SPTA1: variants seen among roughly 807,000 people sequenced by gnomAD.
The protein encoded by SPTA1 is spectrin alpha chain, erythrocytic 1.
Under a neutral mutation model 324.7 loss-of-function variants are expected in SPTA1, and 177 were observed. The observed-to-expected ratio is 0.55, with a 90% CI of 0.48 to 0.62. SPTA1 has a LOEUF of 0.62. SPTA1 is among the 20% of genes least tolerant of loss of function. The probability of loss-of-function intolerance (pLI) is 0.00; values close to 1 mark genes in which losing one functional copy is unlikely to be tolerated. For missense variants in SPTA1, 3,162 were observed against 2,883.6 expected (o/e 1.10, Z -2.21); for synonymous variants, 1,195 against 1,041.3 (o/e 1.15, Z -2.84).
intron 12 of SPTA1, among the ~76,000 whole-genome samples, chr1:158,670,248 G>T (rs1177923683): frequency 6.6e-6 from 1 of 152,136 alleles, no homozygotes; most frequent in Non-Finnish European, 1.5e-5. Flanking sequence ...AGTTACATAG[G>T]AGAAGAGTCA....
At chr1:158,683,616 G>T in intron 2 of SPTA1, 120 bp from the exon 3 acceptor site, 1 of 1,344,768 alleles carries the variant, frequency 7.4e-7, no homozygotes, top group Non-Finnish European at 1.0e-6. Flanking sequence ...AGGCCATAAA[G>T]AGTATTTTCC....
rs373294289 is a variant in SPTA1, at chr1:158,640,153, T to A, written c.4738-146A>T. On this transcript the variant is annotated intron_variant, in intron 33 of 51. Transcript: ENST00000643759. ...AATATCATACATTTCAAACCAGTTATACTTAATCTGGGAAAACAATAGGAG... is the reference window on the plus strand; with the variant it reads ...AATATCATACATTTCAAACCAGTTAAACTTAATCTGGGAAAACAATAGGAG... 2.1e-4 allele frequency: 214 copies of A among 996,308 alleles called. No individual in the cohort carries two copies. In the African/African-American group the frequency reaches 3.0e-3, roughly 14 times the overall value. The allele number at this position is 996,308 out of a possible 1,614,324, so 61.7% of individuals were successfully genotyped here. A position where few individuals can be genotyped will look rare whatever the true frequency, so the allele number is the denominator to read the frequency against.
intron 38 of SPTA1, among the ~76,000 whole-genome samples, chr1:158,635,076 G>GC (rs5778086): frequency 5.7e-4 from 86 of 151,608 alleles, no homozygotes; most frequent in African/African-American, 1.6e-3. Flanking sequence ...CTTCCTTTTA[G>GC]CCCCCCCCAG....
At chr1:158,663,442 A>T (rs191655461) in intron 16 of SPTA1, among the ~76,000 whole-genome samples, 206 of 152,342 alleles carry the variant, frequency 1.4e-3, no homozygotes, top group Non-Finnish European at 2.5e-3. Context: ...GAAGCTCAGA[A>T]AGATAAATTT....
chr1:158,678,760 C>G (rs1030755639), intron 5 of SPTA1, among the ~76,000 whole-genome samples: 10 of 152,096 alleles, frequency 6.6e-5, no homozygotes, highest in African/African-American at 2.4e-4. Context: ...GTGCCCACAG[C>G]AGTGGACTAG....
chr1:158,658,104 T>C (rs376388843), intron 18 of SPTA1, among the ~76,000 whole-genome samples: 6 of 152,166 alleles, frequency 3.9e-5, no homozygotes, highest in Non-Finnish European at 5.9e-5. Flanking sequence ...AGCTGTAAGA[T>C]AAAATGATTT....
rs752854376 is a variant in SPTA1 at position 158,611,216 on chromosome 1, A to C, written c.*48T>G. On this transcript the variant is annotated 3_prime_UTR_variant, in exon 52 of 52. Coordinates refer to ENST00000643759, the MANE Select transcript of SPTA1 (RefSeq NM_003126.4). ...TGCCTGTACTCTTTGCCCCCCAGTA[A>C]ATTTCCCACGACACTAAGATTTTCT... 3 of 1,607,888 alleles carry C rather than the reference A, an allele frequency of 1.9e-6. No homozygotes were observed. In the South Asian group the frequency reaches 3.3e-5, roughly 18 times the overall value.
At chr1:158,640,076 T>C (rs1198678683) in intron 33 of SPTA1, 69 bp from the exon 34 acceptor site, 2 of 1,604,130 alleles carry the variant, frequency 1.2e-6, no homozygotes, top group Non-Finnish European at 1.7e-6. Flanking sequence ...CTTGAGAGAA[T>C]AATGTAGGAA....
intron 44 of SPTA1, among the ~76,000 whole-genome samples, chr1:158,619,715 G>T (rs1178260195): frequency 6.6e-6 from 1 of 152,180 alleles, no homozygotes; most frequent in Admixed American, 6.5e-5. Context: ...TGATATTGTG[G>T]TTAGTTTTCT....
rs777457865 is a variant in SPTA1, at chr1:158,639,691, A to T, written c.4876-5T>A. ...CATGGCCAGCAATGTCTCTGCCTGG[A>T]AATAGAGAAATAAGCAATAAAGCTG... On this transcript the variant is annotated splice_region_variant and splice_polypyrimidine_tract_variant and intron_variant, in intron 34 of 51. Coordinates refer to ENST00000643759, the MANE Select transcript of SPTA1 (RefSeq NM_003126.4). The T allele has an allele frequency of 6.2e-6, 10 of 1,613,680 alleles. No individual in the cohort carries two copies. The highest frequency in any genetic ancestry group is 1.1e-5 in the South Asian group (1 of 91,078).
intron 43 of SPTA1, among the ~76,000 whole-genome samples, chr1:158,622,434 A>G (rs956921904): frequency 5.7e-4 from 87 of 152,272 alleles, no homozygotes; most frequent in African/African-American, 1.9e-3. Flanking sequence ...TAATAATGTA[A>G]TAATATGGAA....
Position 158,668,064 on chromosome 1 carries a change from T to C in SPTA1, c.1834-2A>G. 1 of 1,561,086 alleles carries C rather than the reference T, an allele frequency of 6.4e-7. No individual in the cohort carries two copies. The highest frequency in any genetic ancestry group is 1.8e-5 in the African/African-American group (1 of 55,088). On this transcript the variant is annotated splice_acceptor_variant, in intron 14 of 51. Transcript: ENST00000643759. LOFTEE classifies it high-confidence loss of function. ...CCTGCTCTTCAAGTTCTGTATGTCC[T>C]GAGATAAGATGAAAAAAAAAAAAAA...
Position 158,623,176 on chromosome 1 carries a change from C to T in SPTA1, c.5927G>A (p.Ser1976Asn). ...TCTCTCTTGCTGGAAACTCTGCAGA[C>T]TGGCATCCAGAGTGTCCTGAGAAAG... ...LLAKQDTLDASLQSFQQERLP... is the reference protein window; with the variant it reads ...LLAKQDTLDANLQSFQQERLP... The change falls in exon 43 of 52, where the codon AGT (serine) becomes AAT (asparagine). Residue 1976 changes from serine to asparagine, a missense_variant. Physicochemically the swap from Ser to Asn is conservative, Grantham distance 46. Coordinates refer to ENST00000643759, the MANE Select transcript of SPTA1 (RefSeq NM_003126.4). The T allele has an allele frequency of 1.2e-6, 2 of 1,614,138 alleles. No individual in the cohort carries two copies. The highest frequency in any genetic ancestry group is 1.7e-6 in the Non-Finnish European group (2 of 1,180,012).
At chr1:158,642,718 C>T (rs1047809770) in intron 32 of SPTA1, 96 bp downstream of exon 32, 3 of 1,602,422 alleles carry the variant, frequency 1.9e-6, no homozygotes, top group African/African-American at 2.7e-5. Context: ...ATGGTAGCCT[C>T]AACAGTCAGA....
Position 158,642,518 on chromosome 1 carries a change from AG to A in SPTA1, c.4629del (p.Phe1544LeufsTer22). 6.2e-7 allele frequency: 1 copy of A among 1,613,538 alleles called. No homozygotes were observed. Among genetic ancestry groups the A allele is most frequent in the Non-Finnish European group, 8.5e-7 (1 of 1,179,664 alleles). The part of the protein sequence containing the change: ...NIQRKYLKHQ[T>X]FAHEVDGRSE... Reference sequence around the variant, plus strand: ...GATCGGCCATCGACTTCATGTGCAAAGGTCTGGTGTTTCAGGTATTTCCTCT... The same window carrying A: ...GATCGGCCATCGACTTCATGTGCAAAGTCTGGTGTTTCAGGTATTTCCTCT... On this transcript the variant is annotated frameshift_variant, in exon 33 of 52. Transcript: ENST00000643759. LOFTEE classifies it high-confidence loss of function.
At chr1:158,635,463 A>T (rs1557938872) in intron 38 of SPTA1, among the ~76,000 whole-genome samples, 1 of 152,176 alleles carries the variant, frequency 6.6e-6, no homozygotes, top group African/African-American at 2.4e-5. Context: ...ATAAATACCC[A>T]GTCTCGGGTA....
chr1:158,682,458 A>G (rs1167274113), intron 3 of SPTA1, among the ~76,000 whole-genome samples: 1 of 152,180 alleles, frequency 6.6e-6, no homozygotes, highest in Non-Finnish European at 1.5e-5. Flanking sequence ...ATAATACAAA[A>G]GTTAATTATA....
intron 39 of SPTA1, among the ~76,000 whole-genome samples, chr1:158,633,661 GAAAAAAA>G (rs1036389907): frequency 1.6e-5 from 1 of 61,234 alleles, no homozygotes; most frequent in Non-Finnish European, 3.5e-5. Context: ...ACTCTGTCTC[GAAAAAAA>G]AAAAAAAAAA....
At chr1:158,666,620 A>G in intron 15 of SPTA1, 123 bp from the exon 16 acceptor site, 2 of 874,278 alleles carry the variant, frequency 2.3e-6, no homozygotes, top group East Asian at 5.3e-5. Flanking sequence ...GGGAAATATA[A>G]CTGTCTCACA....
Sources: allele counts gnomAD v4.1 joint callset (sites outside exome capture counted in the v4.1 genomes callset), GRCh38; gene constraint gnomAD v4.1.1; transcripts MANE v1.5; gene names NCBI Gene and HGNC (gene_info 2026-07-23, HGNC 2026-07-21).